Variants in TENT4B observed in about 807,000 individuals in gnomAD.
TENT4B encodes the protein terminal nucleotidyltransferase 4B.
A neutral mutation model predicts 75.0 loss-of-function variants in TENT4B; 10 were observed. The observed-to-expected ratio is 0.13, with a 90% CI of 0.08 to 0.23. The LOEUF (loss-of-function observed/expected upper bound fraction) is 0.23, where lower values mean the gene tolerates loss of function less well. Ranked by LOEUF, TENT4B falls within the 10% of genes least tolerant of loss-of-function variation. The probability of loss-of-function intolerance (pLI) is 1.00; values close to 1 mark genes in which losing one functional copy is unlikely to be tolerated. For missense variants in TENT4B, 579 were observed against 893.8 expected, an observed-to-expected ratio of 0.65 and a Z score of 4.49; for synonymous variants, 350 against 357.7, an observed-to-expected ratio of 0.98 and a Z score of 0.24.
chr16:50,160,342 A>T (rs112829422), intron 1 of TENT4B, among the ~76,000 whole-genome samples: 17 of 152,184 alleles, frequency 1.1e-4, no homozygotes, highest in African/African-American at 2.7e-4. Flanking sequence ...TAACACTCAT[A>T]AAGTTTTAAC....
intron 1 of TENT4B, among the ~76,000 whole-genome samples, chr16:50,207,304 C>CT (rs762529672): frequency 6.6e-6 from 1 of 152,090 alleles, no homozygotes; most frequent in Non-Finnish European, 1.5e-5. Context: ...ACCTTAGCCT[C>CT]TTGAGTAGCT....
At chr16:50,172,837 A>T in intron 1 of TENT4B, among the ~76,000 whole-genome samples, 1 of 152,176 alleles carries the variant, frequency 6.6e-6, no homozygotes, top group Non-Finnish European at 1.5e-5. Context: ...TGAACCCCTG[A>T]TAACCACTGA....
At chr16:50,198,909 T>A (rs563577436) in intron 1 of TENT4B, among the ~76,000 whole-genome samples, 2 of 152,340 alleles carry the variant, frequency 1.3e-5, no homozygotes, top group East Asian at 3.8e-4. Context: ...AGTCTTTGTG[T>A]GTGAATCAGG....
intron 1 of TENT4B, among the ~76,000 whole-genome samples, chr16:50,157,530 C>T (rs2150664082): frequency 6.6e-6 from 1 of 152,284 alleles, no homozygotes; most frequent in African/African-American, 2.4e-5. Context: ...TCTTCATGTA[C>T]CCACAGACCA....
intron 1 of TENT4B, among the ~76,000 whole-genome samples, chr16:50,170,154 G>A (rs186662260): frequency 6.6e-6 from 1 of 152,036 alleles, no homozygotes; most frequent in East Asian, 1.9e-4. Flanking sequence ...CGAGTAGCTG[G>A]GATTACAGGC....
At position 50,153,759 on chromosome 16, in the gene TENT4B, C is replaced by T. The variant is rs767126284; in HGVS notation, c.138C>T (p.Ser46=). 2 of 1,066,802 alleles carry T rather than the reference C, an allele frequency of 1.9e-6. No homozygotes were observed. Among genetic ancestry groups the T allele is most frequent in the Non-Finnish European group, 2.3e-6 (2 of 882,866 alleles). 66.1% of individuals were successfully genotyped at this position (1,066,802 alleles called of 1,614,324 possible). Residue 46 remains serine (S), a synonymous_variant, in exon 1 of 12, where the codon AGC becomes AGT. Transcript: ENST00000561678. ...ACTGTCACAGCAGCGGCGGCGCGAG[C>T]GGCGGCGGCGGCAGCAGCAGCAGCA... The part of the protein sequence containing the change: ...NHHCHSSGGA[S]GGGGSSSSSS...
chr16:50,159,945 C>T (rs1163198125), intron 1 of TENT4B, among the ~76,000 whole-genome samples: 1 of 151,966 alleles, frequency 6.6e-6, no homozygotes, highest in Non-Finnish European at 1.5e-5. Flanking sequence ...GCCACCCAGG[C>T]TGGAGTGCAG....
chr16:50,154,401 GC>G, intron 1 of TENT4B, 142 bp downstream of exon 1: 1 of 1,265,584 alleles, frequency 7.9e-7, no homozygotes, highest in South Asian at 2.1e-5. Flanking sequence ...GGTGCTGCTG[GC>G]CATCCCCAAC....
At chr16:50,187,818 A>G (rs1191917753) in intron 1 of TENT4B, among the ~76,000 whole-genome samples, 2 of 151,864 alleles carry the variant, frequency 1.3e-5, no homozygotes, top group Non-Finnish European at 2.9e-5. Context: ...TGAGCCGAGG[A>G]GTTTGAGACC....
intron 3 of TENT4B, among the ~76,000 whole-genome samples, chr16:50,214,620 C>T (rs2031456335): frequency 6.6e-6 from 1 of 152,142 alleles, no homozygotes; most frequent in African/African-American, 2.4e-5. Context: ...CGCGCCACTG[C>T]ACTCCAGCCT....
In TENT4B at chr16:50,153,906, G is replaced by C. The variant is rs1431253288; in HGVS notation, c.285G>C (p.Ala95=). 7.9e-6 allele frequency: 12 copies of C among 1,524,640 alleles called. No homozygotes were observed. Among genetic ancestry groups the C allele is most frequent in the Non-Finnish European group, 1.1e-5 (12 of 1,142,772 alleles). The allele number at this position is 1,524,640 out of a possible 1,614,324, so 94.4% of individuals were successfully genotyped here. ...GGGAGCGCCTGCTGGGCAGCCACGC[G>C]CTGCCCGCGGAGCAGCGGGACTTCC... ...RSGERLLGSH[A]LPAEQRDFLP... is the part of the protein sequence containing the mutation. The change falls in exon 1 of 12, where the codon GCG becomes GCC. Residue 95 remains alanine (A), a synonymous_variant. Transcript: ENST00000561678.
chr16:50,227,796 A>C, intron 10 of TENT4B, 43 bp from the exon 11 acceptor site: 1 of 1,596,270 alleles, frequency 6.3e-7, no homozygotes. Context: ...TGAGTATCTA[A>C]ATTACTAATA....
rs1238019261 is a variant in TENT4B at position 50,204,743 on chromosome 16, G to T, written c.639-6580G>T. 2.0e-5 allele frequency among the ~76,000 whole-genome samples: 3 copies of T among 152,208 alleles called. No homozygotes were observed. The East Asian group carries it at 5.8e-4, about 29-fold the overall frequency. On this transcript the variant is annotated intron_variant, in intron 1 of 11. Transcript: ENST00000561678. ...ACCCCAGAGGAAAGTCCTGCTAGCA[G>T]TTTTTGTGTATTCTTCCAGAAATTT...
At position 50,231,926 on chromosome 16, in the gene TENT4B, T is replaced by C. The variant is rs1167938841; in HGVS notation, c.*2598T>C. On this transcript the variant is annotated 3_prime_UTR_variant, in exon 12 of 12. Coordinates refer to ENST00000561678, the MANE Select transcript of TENT4B (RefSeq NM_001365324.3). ...ATACTTCCTATATTTTGTGAATATA[T>C]CAGAAATGTGTCATTTATATATTAG... The C allele has an allele frequency of 8.2e-6, 8 of 978,652 alleles. No homozygotes were observed. Among genetic ancestry groups the C allele is most frequent in the Non-Finnish European group, 8.5e-6 (7 of 823,822 alleles). The allele number at this position is 978,652 out of a possible 1,614,324, so 60.6% of individuals were successfully genotyped here. A position where few individuals can be genotyped will look rare whatever the true frequency, so the allele number is the denominator to read the frequency against.
intron 11 of TENT4B, among the ~76,000 whole-genome samples, chr16:50,228,433 T>C (rs963984974): frequency 6.6e-6 from 1 of 152,220 alleles, no homozygotes; most frequent in African/African-American, 2.4e-5. Context: ...GTCAGTTGAT[T>C]AACATTAGCT....
At chr16:50,207,275 G>A (rs13380620) in intron 1 of TENT4B, among the ~76,000 whole-genome samples, 30,913 of 151,776 alleles carry the variant, frequency 0.2, 3,445 homozygotes, top group African/African-American at 0.28. Flanking sequence ...TTTGTCTTCC[G>A]GGCTCAAGCG....
intron 1 of TENT4B, among the ~76,000 whole-genome samples, chr16:50,203,253 T>A (rs1421153683): frequency 6.6e-6 from 1 of 152,222 alleles, no homozygotes; most frequent in African/African-American, 2.4e-5. Flanking sequence ...TTTTCTCTCT[T>A]GTTTTTTTTA....
Position 50,230,740 on chromosome 16 carries a change from G to A in TENT4B, c.*1412G>A. On this transcript the variant is annotated 3_prime_UTR_variant, in exon 12 of 12. Coordinates refer to ENST00000561678, the MANE Select transcript of TENT4B (RefSeq NM_001365324.3). Reference sequence around the variant, plus strand: ...TTGTAGTCAGCTTTGAGTGCAATGAGATGTATAATTCTGTTATCATTACCT... The same window carrying A: ...TTGTAGTCAGCTTTGAGTGCAATGAAATGTATAATTCTGTTATCATTACCT... The A allele has an allele frequency of 1.0e-6, 1 of 985,764 alleles. No individual in the cohort carries two copies. Among genetic ancestry groups the A allele is most frequent in the Non-Finnish European group, 1.2e-6 (1 of 829,904 alleles). The allele number at this position is 985,764 out of a possible 1,614,324, so 61.1% of individuals were successfully genotyped here. A position where few individuals can be genotyped will look rare whatever the true frequency, so the allele number is the denominator to read the frequency against.
rs541625278 is a variant in TENT4B at position 50,230,200 on chromosome 16, GT to G, written c.*876del. The G allele has an allele frequency of 5.5e-5, 54 of 979,716 alleles. No individual in the cohort carries two copies. The African/African-American group carries it at 9.0e-4, about 16-fold the overall frequency. The allele number at this position is 979,716 out of a possible 1,614,324, so 60.7% of individuals were successfully genotyped here. ...CATCTCCGAGAATTAACTTGCAACT[GT>G]TTTCTATAGTGCTGTCGTCTTGGGC... On this transcript the variant is annotated 3_prime_UTR_variant, in exon 12 of 12. Coordinates refer to ENST00000561678, the MANE Select transcript of TENT4B (RefSeq NM_001365324.3).
Sources: allele counts gnomAD v4.1 joint callset (sites outside exome capture counted in the v4.1 genomes callset), GRCh38; gene constraint gnomAD v4.1.1; transcripts MANE v1.5; gene names NCBI Gene and HGNC (gene_info 2026-07-23, HGNC 2026-07-21).